Variants in ESR2 observed in about 807,000 individuals in gnomAD.
ESR2 encodes the protein estrogen receptor beta.
In ESR2, 36 loss-of-function variants were observed where a neutral mutation model predicts 49.6. The ratio of observed to expected loss-of-function variants is 0.73; its 90% CI spans 0.56 to 0.96. The LOEUF (loss-of-function observed/expected upper bound fraction) is 0.96, where lower values mean the gene tolerates loss of function less well. ESR2 is among the 40% of genes least tolerant of loss of function. The pLI is 0.00. For missense variants in ESR2, 714 were observed against 693.0 expected, an observed-to-expected ratio of 1.03 and a Z score of -0.34; for synonymous variants, 320 against 266.1, an observed-to-expected ratio of 1.20 and a Z score of -1.97.
At chr14:64,262,071 A>C (rs909557363) in intron 4 of ESR2, among the ~76,000 whole-genome samples, 8 of 151,382 alleles carry the variant, frequency 5.3e-5, no homozygotes, top group Non-Finnish European at 1.0e-4. Flanking sequence ...TGTTTTAATT[A>C]CTAGCAAAGT....
chr14:64,278,515 G>A (rs2076601388), intron 3 of ESR2, among the ~76,000 whole-genome samples: 1 of 152,182 alleles, frequency 6.6e-6, no homozygotes, highest in Non-Finnish European at 1.5e-5. Context: ...TACACACTAT[G>A]AATTCTCTCA....
intron 1 of ESR2, among the ~76,000 whole-genome samples, chr14:64,300,532 A>G (rs2077009923): frequency 6.6e-6 from 1 of 152,120 alleles, no homozygotes; most frequent in African/African-American, 2.4e-5. Context: ...GGCCAAGATG[A>G]GAGGATCGCT....
intron 6 of ESR2, among the ~76,000 whole-genome samples, chr14:64,250,294 T>C (rs2075962230): frequency 6.6e-6 from 1 of 152,210 alleles, no homozygotes; most frequent in Non-Finnish European, 1.5e-5. Context: ...AAAGAAGGTA[T>C]ACATGGAGGT....
chr14:64,243,818 G>A (rs2075793469), intron 7 of ESR2, among the ~76,000 whole-genome samples: 2 of 152,078 alleles, frequency 1.3e-5, no homozygotes, highest in Admixed American at 1.3e-4. Context: ...CCCTGTCCTT[G>A]GTATCCTCAT....
chr14:64,268,887 G>C lies in ESR2; in HGVS notation c.560C>G (p.Ala187Gly), dbSNP rs754945292. 3 of 1,610,220 alleles carry C rather than the reference G, an allele frequency of 1.9e-6. No individual in the cohort carries two copies. In the East Asian group the frequency reaches 6.7e-5, roughly 36 times the overall value. Reference protein sequence around the residue: ...IQGHNDYICPATNQCTIDKNR... With the variant: ...IQGHNDYICPGTNQCTIDKNR... ...TTTATCGATTGTACACTGATTTGTA[G>C]CTGGACAAATATAATCATTATGTCC... is the stretch of plus-strand genomic sequence containing the variant. Residue 187 changes from alanine (A) to glycine (G), a missense_variant, in exon 4 of 9, where the codon GCT (alanine) becomes GGT (glycine). By Grantham distance (60) the Ala-to-Gly change is moderately conservative. Transcript: ENST00000341099.
intron 6 of ESR2, among the ~76,000 whole-genome samples, chr14:64,254,469 G>A (rs1343388630): frequency 6.6e-6 from 1 of 152,016 alleles, no homozygotes; most frequent in Non-Finnish European, 1.5e-5. Context: ...ACTGTAGGCT[G>A]GGCGTGGTGA....
Position 64,233,247 on chromosome 14 carries a change from G to A in ESR2, c.1483C>T (p.Leu495=), listed in dbSNP as rs756030287. 10 of 1,614,084 alleles carry A rather than the reference G, an allele frequency of 6.2e-6. No individual in the cohort carries two copies. The Admixed American group carries it at 1.7e-4, about 27-fold the overall frequency. The change falls in exon 9 of 9, where the codon CTG becomes TTG. Residue 495 remains leucine, a synonymous_variant. Coordinates refer to ENST00000341099, the MANE Select transcript of ESR2 (RefSeq NM_001437.3). The part of the protein sequence containing the change: ...VPVYDLLLEM[L]NAHVLRGCKS... ...CACCCGCGAAGCACGTGGGCATTCA[G>A]CATCTCCAGCAGCAGGTCATACACT...
intron 4 of ESR2, among the ~76,000 whole-genome samples, chr14:64,261,366 T>C (rs1470840348): frequency 6.6e-6 from 1 of 150,992 alleles, no homozygotes; most frequent in Non-Finnish European, 1.5e-5. Context: ...GCCTCCCGAG[T>C]AGCTAGGACT....
At chr14:64,242,427 C>CA (rs1567735068) in intron 7 of ESR2, among the ~76,000 whole-genome samples, 1 of 107,298 alleles carries the variant, frequency 9.3e-6, no homozygotes, top group Non-Finnish European at 1.7e-5. Flanking sequence ...ACAAAAAAAA[C>CA]AAAACAAACA....
At chr14:64,331,696 C>T (rs571503646) in intron 1 of ESR2, among the ~76,000 whole-genome samples, 7 of 151,924 alleles carry the variant, frequency 4.6e-5, no homozygotes, top group Admixed American at 2.6e-4. Flanking sequence ...CGTGGTGGCG[C>T]GCCTGTAATC....
intron 1 of ESR2, among the ~76,000 whole-genome samples, chr14:64,322,903 G>C (rs767910970): frequency 1.3e-5 from 2 of 152,064 alleles, no homozygotes; most frequent in Non-Finnish European, 2.9e-5. Context: ...AAAGAGAAAT[G>C]GTTGAATAAA....
At chr14:64,248,285 G>T (rs1298065097) in intron 7 of ESR2, among the ~76,000 whole-genome samples, 1 of 152,026 alleles carries the variant, frequency 6.6e-6, no homozygotes, top group Non-Finnish European at 1.5e-5. Context: ...TGGGAGGACT[G>T]CTTGAGGCCA....
At chr14:64,280,193 A>C in intron 2 of ESR2, 40 bp from the exon 3 acceptor site, 6 of 1,447,452 alleles carry the variant, frequency 4.1e-6, no homozygotes, top group Non-Finnish European at 5.7e-6. Flanking sequence ...AGAGCATAAA[A>C]GGGAAAGGAA....
chr14:64,253,959 G>C (rs1443138653), intron 6 of ESR2, among the ~76,000 whole-genome samples: 2 of 152,002 alleles, frequency 1.3e-5, no homozygotes. Flanking sequence ...TGAGCAATTA[G>C]ACAGTCAGGT....
At chr14:64,334,795 T>A (rs142189507) in intron 1 of ESR2, among the ~76,000 whole-genome samples, 54 of 152,338 alleles carry the variant, frequency 3.5e-4, no homozygotes, top group Middle Eastern at 3.4e-3. Flanking sequence ...TAAAGGCGTG[T>A]GACGCCAGGC....
chr14:64,227,634 C>G (rs1356025743), downstream of ESR2: 4 of 1,613,546 alleles, frequency 2.5e-6, no homozygotes, highest in African/African-American at 4.0e-5. Context: ...AGATGCGGGA[C>G]AAGTCAAAGT....
Position 64,310,314 on chromosome 14 carries a change from A to ATTATTATTATT in ESR2, c.-90-27240_-90-27239insAATAATAATAA, listed in dbSNP as rs1567795785. 1.5e-3 allele frequency among the ~76,000 whole-genome samples: 222 copies of ATTATTATTATT among 148,036 alleles called. 1 individual carries two copies. The highest frequency in any genetic ancestry group is 4.0e-3 in the African/African-American group (161 of 40,688). Reference sequence around the variant, plus strand: ...TAATAATAATAATAATAATAATAATAATAATTCTGGGTGTAGAGCAGCTTC... The same window carrying ATTATTATTATT: ...TAATAATAATAATAATAATAATAATATTATTATTATTATAATTCTGGGTGTAGAGCAGCTTC... On this transcript the variant is annotated intron_variant, in intron 1 of 8. Transcript: ENST00000358599.
chr14:64,305,625 C>T (rs1348592064), intron 1 of ESR2, among the ~76,000 whole-genome samples: 1 of 151,590 alleles, frequency 6.6e-6, no homozygotes, highest in Admixed American at 6.6e-5. Flanking sequence ...GAGCCAAGAT[C>T]GCACCACTGC....
intron 4 of ESR2, among the ~76,000 whole-genome samples, chr14:64,266,329 C>T (rs1042328199): frequency 6.6e-6 from 1 of 152,140 alleles, no homozygotes; most frequent in African/African-American, 2.4e-5. Context: ...TATCTCTGTT[C>T]AGAGACATGA....
Sources: gnomAD v4.1 joint callset for allele counts (sites outside exome capture counted in the v4.1 genomes callset) on GRCh38, gnomAD v4.1.1 for gene constraint, MANE v1.5 for transcripts, NCBI Gene and HGNC (gene_info 2026-07-23, HGNC 2026-07-21) for gene names.